The following MAGI2 variants were observed in gnomAD, a reference collection of about 807,000 sequenced individuals.
MAGI2 encodes membrane-associated guanylate kinase, WW and PDZ domain-containing protein 2.
A neutral mutation model predicts 133.3 loss-of-function variants in MAGI2; 35 were observed. The observed-to-expected ratio is 0.26, with a 90% CI of 0.20 to 0.35. The LOEUF (loss-of-function observed/expected upper bound fraction) is 0.35, where lower values mean the gene tolerates loss of function less well. Ranked by LOEUF, MAGI2 falls within the 10% of genes least tolerant of loss-of-function variation. The pLI, the probability that MAGI2 is intolerant of heterozygous loss-of-function variation, is 1.00. For synonymous variants in MAGI2, 729 were observed against 710.6 expected, an observed-to-expected ratio of 1.03 and a Z score of -0.41; for missense variants, 1,636 against 1,863.4, an observed-to-expected ratio of 0.88 and a Z score of 2.25.
chr7:78,233,619 A>G (rs1250887067), intron 10 of MAGI2, among the ~76,000 whole-genome samples: 1 of 152,138 alleles, frequency 6.6e-6, no homozygotes, highest in African/African-American at 2.4e-5. Context: ...AGAAAAATCC[A>G]TGGCTGGAGG....
intron 10 of MAGI2, among the ~76,000 whole-genome samples, chr7:78,222,800 AAG>A (rs1391353814): frequency 1.3e-5 from 2 of 152,212 alleles, no homozygotes; most frequent in African/African-American, 4.8e-5. Flanking sequence ...AAAGCCAGAA[AAG>A]AGAATTTCCT....
chr7:78,499,102 G>T (rs933247879), intron 5 of MAGI2, among the ~76,000 whole-genome samples: 2 of 150,518 alleles, frequency 1.3e-5, no homozygotes, highest in Admixed American at 6.6e-5. Context: ...CCACTCCTTT[G>T]CTTGCCTTTC....
intron 21 of MAGI2, among the ~76,000 whole-genome samples, chr7:78,021,027 CAA>C (rs1170388038): frequency 6.6e-6 from 1 of 151,996 alleles, no homozygotes; most frequent in African/African-American, 2.4e-5. Flanking sequence ...ACATATAAAA[CAA>C]TGATTAAAAT....
intron 4 of MAGI2, among the ~76,000 whole-genome samples, chr7:78,514,644 T>C (rs1795891272): frequency 6.6e-6 from 1 of 151,886 alleles, no homozygotes; most frequent in South Asian, 2.1e-4. Flanking sequence ...GGCATTGGCG[T>C]TGGGGTGGTT....
At chr7:79,093,373 G>T (rs1379116887) in intron 1 of MAGI2, among the ~76,000 whole-genome samples, 1 of 152,096 alleles carries the variant, frequency 6.6e-6, no homozygotes, top group Non-Finnish European at 1.5e-5. Context: ...GATATTGTGG[G>T]TTCAGATCCA....
intron 2 of MAGI2, among the ~76,000 whole-genome samples, chr7:78,849,937 C>T (rs896467523): frequency 7.9e-5 from 12 of 151,992 alleles, no homozygotes; most frequent in African/African-American, 2.7e-4. Flanking sequence ...TCTTGACTTA[C>T]TCTTAAACTA....
intron 1 of MAGI2, among the ~76,000 whole-genome samples, chr7:79,435,635 T>C (rs1247270708): frequency 6.6e-6 from 1 of 152,188 alleles, no homozygotes; most frequent in Non-Finnish European, 1.5e-5. Context: ...AGTTTTTTAT[T>C]CCATGCTCGT....
intron 5 of MAGI2, among the ~76,000 whole-genome samples, chr7:78,500,569 G>A (rs930682108): frequency 2.6e-5 from 4 of 152,090 alleles, no homozygotes; most frequent in Non-Finnish European, 4.4e-5. Context: ...AGAAAAGCCT[G>A]ACATTATTAA....
chr7:78,028,115 A>C (rs1809142601), intron 21 of MAGI2, among the ~76,000 whole-genome samples: 1 of 152,254 alleles, frequency 6.6e-6, no homozygotes, highest in African/African-American at 2.4e-5. Context: ...GCCATCACTA[A>C]GGTGATTGCT....
At chr7:78,572,630 AT>A in intron 3 of MAGI2, among the ~76,000 whole-genome samples, 1 of 151,856 alleles carries the variant, frequency 6.6e-6, no homozygotes, top group Non-Finnish European at 1.5e-5. Context: ...ATCTACTCTG[AT>A]TTTTTGTTTT....
chr7:79,367,856 G>GAC (rs1183514493), intron 1 of MAGI2, among the ~76,000 whole-genome samples: 4 of 69,988 alleles, frequency 5.7e-5, no homozygotes, highest in Admixed American at 2.9e-4. Context: ...TTATATATGT[G>GAC]ACATATATAT....
intron 10 of MAGI2, chr7:78,255,469 T>G (rs1353482879): frequency 1.2e-5 from 3 of 254,214 alleles, no homozygotes; most frequent in African/African-American, 2.3e-5. Flanking sequence ...TTCATGGTCC[T>G]TCTGAGTATT....
chr7:78,610,089 T>C (rs1372938100), intron 3 of MAGI2, among the ~76,000 whole-genome samples: 2 of 152,210 alleles, frequency 1.3e-5, no homozygotes, highest in Non-Finnish European at 2.9e-5. Context: ...ACCCCTTGAT[T>C]CCTGGATCTG....
intron 6 of MAGI2, among the ~76,000 whole-genome samples, chr7:78,405,212 C>T (rs1269754774): frequency 1.3e-5 from 2 of 152,110 alleles, no homozygotes; most frequent in Admixed American, 6.6e-5. Flanking sequence ...GCACTACTTA[C>T]ATACTATTTC....
At chr7:78,384,602 G>T (rs903737312) in intron 6 of MAGI2, among the ~76,000 whole-genome samples, 5 of 152,008 alleles carry the variant, frequency 3.3e-5, no homozygotes, top group African/African-American at 1.2e-4. Context: ...TTACACAACA[G>T]AACTTATTTT....
intron 16 of MAGI2, among the ~76,000 whole-genome samples, chr7:78,149,350 T>C (rs1008372692): frequency 6.6e-6 from 1 of 152,164 alleles, no homozygotes; most frequent in African/African-American, 2.4e-5. Flanking sequence ...TTTGCCTTCA[T>C]TGCTCAAGAG....
At chr7:78,692,382 G>C (rs796287184) in intron 2 of MAGI2, among the ~76,000 whole-genome samples, 20 of 152,204 alleles carry the variant, frequency 1.3e-4, no homozygotes, top group African/African-American at 4.8e-4. Context: ...ATACCTTAGG[G>C]AGCATCCTCA....
chr7:78,742,599 T>C (rs1340258189), intron 2 of MAGI2, among the ~76,000 whole-genome samples: 1 of 152,222 alleles, frequency 6.6e-6, no homozygotes, highest in East Asian at 1.9e-4. Context: ...AGAAGAATAA[T>C]TTATTTACTC....
intron 1 of MAGI2, among the ~76,000 whole-genome samples, chr7:79,398,016 CTCATA>C (rs1563186677): frequency 6.6e-6 from 1 of 152,014 alleles, no homozygotes; most frequent in Non-Finnish European, 1.5e-5. Context: ...ATTATTTATT[CTCATA>C]TGTTTTGTCC....
Sources: gnomAD v4.1 joint callset for allele counts (sites outside exome capture counted in the v4.1 genomes callset) on GRCh38, gnomAD v4.1.1 for gene constraint, MANE v1.5 for transcripts, NCBI Gene and HGNC (gene_info 2026-07-23, HGNC 2026-07-21) for gene names.